The following CAMTA1 variants were observed in gnomAD, a reference collection of about 807,000 sequenced individuals.
CAMTA1 encodes the protein calmodulin-binding transcription activator 1.
CAMTA1 carries 27 observed loss-of-function variants against 170.9 expected under a neutral mutation model. The ratio of observed to expected loss-of-function variants is 0.16; its 90% CI spans 0.12 to 0.22. CAMTA1 has a LOEUF of 0.22. Among genes scored for constraint, CAMTA1 ranks in the 10% least tolerant of loss-of-function variants. CAMTA1 has a pLI of 1.00. For missense variants in CAMTA1, 1,619 were observed against 2,217.2 expected (o/e 0.73, Z 5.42); for synonymous variants, 833 against 891.5 (o/e 0.93, Z 1.17).
At chr1:7,540,026 G>A (rs549676226) in intron 6 of CAMTA1, among the ~76,000 whole-genome samples, 3 of 152,314 alleles carry the variant, frequency 2.0e-5, no homozygotes, top group East Asian at 3.9e-4. Context: ...CTTCTAGGAC[G>A]TTAGTCGTGC....
chr1:7,651,704 TAC>T (rs1488244715), intron 7 of CAMTA1, among the ~76,000 whole-genome samples: 4 of 152,268 alleles, frequency 2.6e-5, no homozygotes, highest in Non-Finnish European at 5.9e-5. Context: ...CCCAGTGGCA[TAC>T]AGTCAGGTGA....
chr1:7,290,327 T>C (rs2149497082), intron 5 of CAMTA1, among the ~76,000 whole-genome samples: 1 of 152,334 alleles, frequency 6.6e-6, no homozygotes, highest in South Asian at 2.1e-4. Context: ...GAAAACACCA[T>C]GTTCTCTTTC....
chr1:7,715,553 C>G (rs931744238), intron 11 of CAMTA1, among the ~76,000 whole-genome samples: 1 of 152,138 alleles, frequency 6.6e-6, no homozygotes, highest in African/African-American at 2.4e-5. Flanking sequence ...CCACCTCAGC[C>G]TCCCAAAGCG....
intron 3 of CAMTA1, among the ~76,000 whole-genome samples, chr1:6,917,848 GGGC>G (rs148592132): frequency 0.31 from 38,793 of 123,854 alleles, 5,774 homozygotes; most frequent in Non-Finnish European, 0.38. Context: ...AACCCATCGG[GGGC>G]GGGGGGGGAC....
intron 3 of CAMTA1, among the ~76,000 whole-genome samples, chr1:6,930,061 A>G (rs539887890): frequency 1.3e-5 from 2 of 152,230 alleles, no homozygotes; most frequent in Non-Finnish European, 2.9e-5. Flanking sequence ...ACCAGGCTGT[A>G]AATGCTGTGG....
rs190117426 is a variant in CAMTA1 at position 7,472,109 on chromosome 1, G to A, written c.510+4208G>A. Among the ~76,000 whole-genome samples, 620 of 152,344 alleles carry A rather than the reference G, an allele frequency of 4.1e-3. 5 individuals are homozygous for A. The highest frequency in any genetic ancestry group is 0.014 in the African/African-American group (593 of 41,576). On this transcript the variant is annotated intron_variant, in intron 6 of 22. Transcript: ENST00000303635. Reference sequence around the variant, plus strand: ...CCGGAGCTGTTTGGCTGCCAAGCCCGGCTTGCTTGGGTGGAGGCAGCGGGG... The same window carrying A: ...CCGGAGCTGTTTGGCTGCCAAGCCCAGCTTGCTTGGGTGGAGGCAGCGGGG...
rs552389315 is a variant in CAMTA1 at position 7,050,728 on chromosome 1, G to A, written c.235-40576G>A. 7.7e-4 allele frequency among the ~76,000 whole-genome samples: 117 copies of A among 152,122 alleles called. No individual in the cohort carries two copies. Among genetic ancestry groups the A allele is most frequent in the Non-Finnish European group, 1.5e-3 (102 of 67,994 alleles). ...GGGGGTAGGGTGGGTGGAGGAGAGA[G>A]TATGGTGGGGAGGGGAAGGAGCCCC... On this transcript the variant is annotated intron_variant, in intron 3 of 22. Coordinates refer to ENST00000303635, the MANE Select transcript of CAMTA1 (RefSeq NM_015215.4). The surrounding 1 kb of genome is among the most constrained non-coding windows in gnomAD (Gnocchi z 4.8).
chr1:7,276,297 A>T (rs1353513138), intron 5 of CAMTA1, among the ~76,000 whole-genome samples: 7,420 of 19,778 alleles, frequency 0.38, 695 homozygotes, highest in Non-Finnish European at 0.42. Context: ...ATATATATAT[A>T]TATATATTTT....
intron 4 of CAMTA1, among the ~76,000 whole-genome samples, chr1:7,181,794 T>G (rs894823637): frequency 6.6e-6 from 1 of 151,902 alleles, no homozygotes; most frequent in African/African-American, 2.4e-5. Context: ...CCAAGTTAAT[T>G]TATGAATTTA....
chr1:7,159,950 A>G (rs1647109596), intron 4 of CAMTA1, among the ~76,000 whole-genome samples: 1 of 152,204 alleles, frequency 6.6e-6, no homozygotes, highest in East Asian at 1.9e-4. Context: ...CACTTTCAGT[A>G]AAAAACTTAG....
rs367782728 is a variant in CAMTA1, at chr1:7,641,683, C to T, written c.664+1130C>T. Among the ~76,000 whole-genome samples, 78 of 152,216 alleles carry T rather than the reference C, an allele frequency of 5.1e-4. 1 individual carries two copies. The East Asian group carries it at 5.2e-3, about 10-fold the overall frequency. On this transcript the variant is annotated intron_variant, in intron 7 of 22. Coordinates refer to ENST00000303635, the MANE Select transcript of CAMTA1 (RefSeq NM_015215.4). The surrounding 1 kb of genome is among the most constrained non-coding windows in gnomAD (Gnocchi z 4.5). ...CCCCCCAGTGGGTGACAGCCCTGCC[C>T]GCCAAGGGCAGGACCACAAGACTGA... is the stretch of plus-strand genomic sequence containing the variant.
chr1:7,357,763 G>C (rs925554814), intron 5 of CAMTA1, among the ~76,000 whole-genome samples: 1 of 152,140 alleles, frequency 6.6e-6, no homozygotes, highest in African/African-American at 2.4e-5. Flanking sequence ...CAGTGCTTCT[G>C]GACCTTTCCA....
intron 6 of CAMTA1, among the ~76,000 whole-genome samples, chr1:7,537,726 A>G (rs2094565648): frequency 6.6e-6 from 1 of 151,770 alleles, no homozygotes; most frequent in South Asian, 2.1e-4. Flanking sequence ...AAATAGACAC[A>G]CTCTCTAGCC....
At chr1:7,501,866 G>A (rs916353817) in intron 6 of CAMTA1, among the ~76,000 whole-genome samples, 7 of 152,098 alleles carry the variant, frequency 4.6e-5, no homozygotes, top group African/African-American at 1.7e-4. Context: ...CTCAGCTGCC[G>A]GCAGCTCAGT....
intron 3 of CAMTA1, among the ~76,000 whole-genome samples, chr1:6,843,833 G>T (rs746095193): frequency 6.6e-6 from 1 of 152,148 alleles, no homozygotes; most frequent in Admixed American, 6.5e-5. Context: ...AACAGCTTCA[G>T]TATAATTTAG....
chr1:7,358,282 G>A (rs1047176995), intron 5 of CAMTA1, among the ~76,000 whole-genome samples: 13 of 152,124 alleles, frequency 8.5e-5, no homozygotes, highest in Non-Finnish European at 1.8e-4. Flanking sequence ...TAAATGAGAT[G>A]TAACCTTGAA....
rs951669036 is a variant in CAMTA1, at chr1:7,044,296, G to A, written c.235-47008G>A. On this transcript the variant is annotated intron_variant, in intron 3 of 22. Transcript: ENST00000303635. This position sits in a 1 kb window ranked among gnomAD's most constrained non-coding sequence, Gnocchi z 5.0. ...GGTCTCACCCAGACTAGACGGGAAT[G>A]GGGGAGACCCAGAGAGACGCAGAGC... is the stretch of plus-strand genomic sequence containing the variant. Among the ~76,000 whole-genome samples the A allele has an allele frequency of 6.6e-6, 1 of 152,202 alleles. No individual in the cohort carries two copies. The highest frequency in any genetic ancestry group is 6.5e-5 in the Admixed American group (1 of 15,288).
chr1:7,710,440 A>AT (rs1163592368), intron 11 of CAMTA1, among the ~76,000 whole-genome samples: 2 of 151,920 alleles, frequency 1.3e-5, no homozygotes, highest in African/African-American at 4.8e-5. Context: ...TTTAAAAAAA[A>AT]TTTAAAACAA....
At chr1:7,347,859 G>A (rs2084339732) in intron 5 of CAMTA1, among the ~76,000 whole-genome samples, 2 of 152,180 alleles carry the variant, frequency 1.3e-5, no homozygotes, top group Non-Finnish European at 2.9e-5. Flanking sequence ...AGTCAGGCAC[G>A]ACCCTAATGC....
Sources: allele counts gnomAD v4.1 joint callset (sites outside exome capture counted in the v4.1 genomes callset), GRCh38; gene constraint gnomAD v4.1.1; non-coding constraint Gnocchi (gnomAD v3.1); transcripts MANE v1.5; gene names NCBI Gene and HGNC (gene_info 2026-07-23, HGNC 2026-07-21).